FRY: variants seen among roughly 807,000 people sequenced by gnomAD.
FRY encodes the protein protein furry homolog.
In FRY, 128 loss-of-function variants were observed where a neutral mutation model predicts 348.4. The ratio of observed to expected loss-of-function variants is 0.37; its 90% confidence interval spans 0.32 to 0.43. The LOEUF (loss-of-function observed/expected upper bound fraction) is 0.43. Ranked by LOEUF, FRY falls within the 20% of genes least tolerant of loss-of-function variation. The probability of loss-of-function intolerance (pLI) is 1.00; values close to 1 mark genes in which losing one functional copy is unlikely to be tolerated. For synonymous variants in FRY, 1,370 were observed against 1,374.7 expected, an observed-to-expected ratio of 1.00 and a Z score of 0.08; for missense variants, 2,736 against 3,695.2, an observed-to-expected ratio of 0.74 and a Z score of 6.73.
chr13:32,132,541 A>G (rs1879435258), intron 8 of FRY, among the ~76,000 whole-genome samples: 1 of 152,204 alleles, frequency 6.6e-6, no homozygotes, highest in African/African-American at 2.4e-5. Context: ...TGGAAAAATT[A>G]GAACCTTACA....
chr13:32,249,757 TA>T (rs1886983992), intron 49 of FRY, 70 bp downstream of exon 49: 4 of 1,389,428 alleles, frequency 2.9e-6, no homozygotes, highest in African/African-American at 2.9e-5. Flanking sequence ...GGCTGGGTCA[TA>T]AGGGATTCCC....
intron 11 of FRY, among the ~76,000 whole-genome samples, chr13:32,143,664 A>G (rs1160826131): frequency 2.0e-5 from 3 of 152,250 alleles, no homozygotes; most frequent in Non-Finnish European, 4.4e-5. Context: ...ATGATATGCT[A>G]TGCAAATATA....
At chr13:32,190,478 G>C (rs1293182136) in intron 28 of FRY, among the ~76,000 whole-genome samples, 3 of 152,190 alleles carry the variant, frequency 2.0e-5, no homozygotes, top group East Asian at 3.9e-4. Flanking sequence ...CATATGAAAG[G>C]TCAAAATTAA....
At chr13:32,261,103 A>C (rs923576965) in intron 51 of FRY, among the ~76,000 whole-genome samples, 1 of 152,210 alleles carries the variant, frequency 6.6e-6, no homozygotes, top group Non-Finnish European at 1.5e-5. Context: ...TATCTGTGAA[A>C]ATTGCTGTGG....
rs1411329517 is a variant in FRY at position 32,211,050 on chromosome 13, G to A, written c.4591+16G>A. 12 of 1,612,000 alleles carry A rather than the reference G, an allele frequency of 7.4e-6. No homozygotes were observed. Among genetic ancestry groups the A allele is most frequent in the Middle Eastern group, 1.7e-4 (1 of 6,038 alleles). ...GCAGCCTCAGGTAAGAAGAGCAACC[G>A]GGCAGACACCTGGTCACAGATCCCT... On this transcript the variant is annotated intron_variant, in intron 34 of 60. Transcript: ENST00000542859.
At chr13:32,217,690 C>T (rs367561571) in intron 35 of FRY, among the ~76,000 whole-genome samples, 5 of 152,300 alleles carry the variant, frequency 3.3e-5, no homozygotes, top group African/African-American at 9.6e-5. Flanking sequence ...CACCTCCCTG[C>T]GGTCAACACT....
At chr13:32,032,178 T>C (rs539549063) in intron 1 of FRY, among the ~76,000 whole-genome samples, 60 of 152,310 alleles carry the variant, frequency 3.9e-4, no homozygotes, top group African/African-American at 1.3e-3. Flanking sequence ...CTTCAGACTC[T>C]GGGGGAGCTC....
chr13:32,177,466 T>C (rs1179195708), intron 20 of FRY, among the ~76,000 whole-genome samples: 2 of 152,190 alleles, frequency 1.3e-5, no homozygotes, highest in East Asian at 3.9e-4. Flanking sequence ...TGGTGGCGAT[T>C]GCCTGTAATC....
intron 55 of FRY, among the ~76,000 whole-genome samples, chr13:32,273,100 A>G (rs548439858): frequency 6.6e-6 from 1 of 152,080 alleles, no homozygotes; most frequent in South Asian, 2.1e-4. Context: ...CAGGTAGTGT[A>G]GGAGGAGCAG....
At chr13:32,158,111 T>TTA (rs1881219765) in intron 16 of FRY, among the ~76,000 whole-genome samples, 1 of 152,250 alleles carries the variant, frequency 6.6e-6, no homozygotes, top group Non-Finnish European at 1.5e-5. Context: ...TGAAGATTGT[T>TTA]ACCTATATAG....
chr13:32,047,979 G>C (rs951141133), intron 1 of FRY, among the ~76,000 whole-genome samples: 2 of 152,126 alleles, frequency 1.3e-5, no homozygotes, highest in African/African-American at 4.8e-5. Flanking sequence ...CACTCTAACT[G>C]ACCCACTTCC....
rs375400779 is a variant in FRY, at chr13:32,228,029, C to T, written c.5207-427C>T. 2.2e-4 allele frequency among the ~76,000 whole-genome samples: 34 copies of T among 152,294 alleles called. No homozygotes were observed. In the East Asian group the frequency reaches 3.9e-3, roughly 17 times the overall value. On this transcript the variant is annotated intron_variant, in intron 39 of 60. Coordinates refer to ENST00000542859, the MANE Select transcript of FRY (RefSeq NM_023037.3). The stretch of plus-strand genomic sequence containing the variant: ...CCTCCCAAAGTGCTGGGATTACAGG[C>T]GTGAGCCACCGCGCCCAGCCCGTTT...
chr13:32,247,437 G>T lies in FRY; in HGVS notation c.6943G>T (p.Val2315Leu), dbSNP rs1277964828. 6.2e-7 allele frequency: 1 copy of T among 1,613,364 alleles called. No homozygotes were observed. ...SDLSKIEIHR[V>L]WTSASKELPG... Reference sequence around the variant, plus strand: ...CCTCTCAAAAATAGAAATACATCGAGTGTGGACTAGTGCTTCCAAGGAATT... The same window carrying T: ...CCTCTCAAAAATAGAAATACATCGATTGTGGACTAGTGCTTCCAAGGAATT... The change falls in exon 48 of 61, where the codon GTG becomes TTG. Residue 2315 changes from valine to leucine, a missense_variant. Val to Leu is a conservative substitution (Grantham distance 32). Coordinates refer to ENST00000542859, the MANE Select transcript of FRY (RefSeq NM_023037.3).
chr13:32,249,554 A>G lies in FRY; in HGVS notation c.7037A>G (p.Glu2346Gly), dbSNP rs1886971349. 3 of 1,614,188 alleles carry G rather than the reference A, an allele frequency of 1.9e-6. No homozygotes were observed. The highest frequency in any genetic ancestry group is 4.5e-5 in the East Asian group (2 of 44,884). The change falls in exon 49 of 61, where the codon GAG becomes GGG. Residue 2346 changes from glutamate (E) to glycine (G), a missense_variant. By Grantham distance (98) the Glu-to-Gly change is moderately conservative. Around this residue, in one of 9 missense-constraint regions of FRY, gnomAD observed 789 missense variants for 996.2 expected, o/e 0.79. Transcript: ENST00000542859. ...CCAATCATCGGGAGGCGGTATGATGAGCTGCAGAATTCTTCTGGGCGTGAT... is the reference window on the plus strand; with the variant it reads ...CCAATCATCGGGAGGCGGTATGATGGGCTGCAGAATTCTTCTGGGCGTGAT... ...ETPIIGRRYD[E>G]LQNSSGRDGK...
chr13:32,273,323 C>T (rs1489887867), intron 55 of FRY, among the ~76,000 whole-genome samples: 4 of 148,702 alleles, frequency 2.7e-5, no homozygotes, highest in Non-Finnish European at 3.0e-5. Context: ...CTGGGGTTCA[C>T]GCCATTCTCC....
chr13:32,181,387 G>A (rs1224873404), intron 23 of FRY, among the ~76,000 whole-genome samples: 1 of 151,474 alleles, frequency 6.6e-6, no homozygotes, highest in Non-Finnish European at 1.5e-5. Flanking sequence ...CTGAGGTCAG[G>A]AGTTTAAGAC....
At chr13:32,289,561 T>G in intron 58 of FRY, 72 bp from the exon 59 acceptor site, 10 of 936,350 alleles carry the variant, frequency 1.1e-5, no homozygotes, top group Non-Finnish European at 1.6e-5. Context: ...TTGTCTCCAT[T>G]GAGATTTCAC....
chr13:32,127,119 C>T (rs1879068030), intron 7 of FRY, among the ~76,000 whole-genome samples: 1 of 152,104 alleles, frequency 6.6e-6, no homozygotes. Context: ...AATTTAACTA[C>T]TTTGGCCAAA....
intron 20 of FRY, 128 bp downstream of exon 20, chr13:32,175,760 T>C: frequency 1.5e-6 from 1 of 687,170 alleles, no homozygotes; most frequent in East Asian, 2.7e-5. Flanking sequence ...CAAAGGTACT[T>C]ATGAAGATAA....
Sources: allele counts gnomAD v4.1 joint callset (sites outside exome capture counted in the v4.1 genomes callset), GRCh38; gene constraint gnomAD v4.1.1; regional missense constraint gnomAD v4.1.1; transcripts MANE v1.5; gene names NCBI Gene and HGNC (gene_info 2026-07-23, HGNC 2026-07-21).